The following ZNF578 variants were observed in gnomAD, a reference collection of about 807,000 sequenced individuals.
ZNF578 encodes the protein zinc finger protein 578.
A neutral mutation model predicts 8.3 loss-of-function variants in ZNF578; 8 were observed. That is an observed-to-expected ratio of 0.96 (90% CI 0.56 to 1.74). The LOEUF (loss-of-function observed/expected upper bound fraction) is 1.74, where lower values mean the gene tolerates loss of function less well. ZNF578 is among the 40% of genes most tolerant of loss of function. The pLI is 0.00. For missense variants in ZNF578, 726 were observed against 707.5 expected, an observed-to-expected ratio of 1.03 and a Z score of -0.30; for synonymous variants, 206 against 232.2, an observed-to-expected ratio of 0.89 and a Z score of 1.03.
chr19:52,483,872 A>G (rs1450804893), intron 2 of ZNF578, among the ~76,000 whole-genome samples: 1 of 152,070 alleles, frequency 6.6e-6, no homozygotes, highest in South Asian at 2.1e-4. Context: ...GCCCCTCCAC[A>G]CTTGTGGGCG....
At chr19:52,464,409 C>G (rs539241924) in intron 2 of ZNF578, among the ~76,000 whole-genome samples, 1 of 152,120 alleles carries the variant, frequency 6.6e-6, no homozygotes, top group African/African-American at 2.4e-5. Flanking sequence ...CTAAGGTGGG[C>G]CAAGTACAAT....
In ZNF578 at chr19:52,453,597, T is replaced by G. The variant is rs2059228635; in HGVS notation, c.-223T>G. On this transcript the variant is annotated 5_prime_UTR_variant, in exon 1 of 6. Transcript: ENST00000421239. ...AGCCGATCGCGTGGGGAGCCGGTCT[T>G]GGAGCAGCGGGTGAGTTTCCCTTTG... is the stretch of plus-strand genomic sequence containing the variant. 1 of 152,770 alleles carries G rather than the reference T, an allele frequency of 6.5e-6. No individual in the cohort carries two copies. The highest frequency in any genetic ancestry group is 2.1e-4 in the South Asian group (1 of 4,836). The allele number at this position is 152,770 out of a possible 1,614,324, so 9.5% of individuals were successfully genotyped here. A position where few individuals can be genotyped will look rare whatever the true frequency, so the allele number is the denominator to read the frequency against.
intron 5 of ZNF578, among the ~76,000 whole-genome samples, chr19:52,505,357 G>C (rs547236183): frequency 6.6e-6 from 1 of 152,272 alleles, no homozygotes; most frequent in Non-Finnish European, 1.5e-5. Context: ...GCTGTTGACT[G>C]AACTCTTGTT....
At chr19:52,486,396 C>T (rs1166468713) in intron 2 of ZNF578, among the ~76,000 whole-genome samples, 3 of 152,160 alleles carry the variant, frequency 2.0e-5, no homozygotes, top group Non-Finnish European at 4.4e-5. Flanking sequence ...GTCCCCTGGG[C>T]CCACTGTTCT....
At chr19:52,480,881 G>T (rs1217600227) in intron 2 of ZNF578, among the ~76,000 whole-genome samples, 1 of 148,690 alleles carries the variant, frequency 6.7e-6, no homozygotes, top group Non-Finnish European at 1.5e-5. Context: ...GGGTGACAGA[G>T]TGAGACTCCA....
chr19:52,478,152 A>G (rs890519881), intron 2 of ZNF578, among the ~76,000 whole-genome samples: 2 of 152,212 alleles, frequency 1.3e-5, no homozygotes, highest in Non-Finnish European at 2.9e-5. Context: ...TCAGGTATAC[A>G]CTAGCAGACA....
At chr19:52,492,139 CAGAG>C (rs968677480) in intron 3 of ZNF578, among the ~76,000 whole-genome samples, 1 of 118,398 alleles carries the variant, frequency 8.4e-6, no homozygotes, top group Admixed American at 1.2e-4. Context: ...GCCTGGGCGA[CAGAG>C]AGAGATTCTG....
rs2059471802 is a variant in ZNF578 at position 52,515,684 on chromosome 19, C to A, written c.*3530C>A. ...CCAGAAAAGGTCAACCCGAGTGTCCCTGACCGTTGAAATGATTGGCAAAAT... is the reference window on the plus strand; with the variant it reads ...CCAGAAAAGGTCAACCCGAGTGTCCATGACCGTTGAAATGATTGGCAAAAT... On this transcript the variant is annotated 3_prime_UTR_variant, in exon 6 of 6. Transcript: ENST00000421239. Among the ~76,000 whole-genome samples the A allele has an allele frequency of 6.6e-6, 1 of 151,648 alleles. No individual in the cohort carries two copies. The highest frequency in any genetic ancestry group is 2.4e-5 in the African/African-American group (1 of 41,286).
At position 52,512,511 on chromosome 19, in the gene ZNF578, C is replaced by G. The variant is rs1426631552; in HGVS notation, c.*357C>G. Among the ~76,000 whole-genome samples, 1 of 152,178 alleles carries G rather than the reference C, an allele frequency of 6.6e-6. No homozygotes were observed. The highest frequency in any genetic ancestry group is 2.4e-5 in the African/African-American group (1 of 41,430). On this transcript the variant is annotated 3_prime_UTR_variant, in exon 6 of 6. Transcript: ENST00000421239. The stretch of plus-strand genomic sequence containing the variant: ...GAACTCATACTGGAGAGAAACCTTA[C>G]AAATGTCATGACTGTGGCAAGGTCT...
Position 52,469,171 on chromosome 19 carries a change from T to TTTG in ZNF578, c.-122+12215_-122+12216insGTT, listed in dbSNP as rs779058576. On this transcript the variant is annotated intron_variant, in intron 2 of 5. Coordinates refer to ENST00000421239, the MANE Select transcript of ZNF578 (RefSeq NM_001099694.2). The stretch of plus-strand genomic sequence containing the variant: ...TACCTGGAGTGGTTTTTTTTTGTTT[T>TTTG]TTTTTTTTTGACAGGGTCTCACTCT... Among the ~76,000 whole-genome samples the TTTG allele has an allele frequency of 6.6e-3, 991 of 149,282 alleles. 20 individuals are homozygous for TTTG. Among genetic ancestry groups the TTTG allele is most frequent in the Non-Finnish European group, 0.01 (696 of 67,020 alleles).
At chr19:52,476,199 C>A (rs1174384079) in intron 2 of ZNF578, among the ~76,000 whole-genome samples, 1 of 152,052 alleles carries the variant, frequency 6.6e-6, no homozygotes, top group African/African-American at 2.4e-5. Flanking sequence ...TGTAATGCAC[C>A]CATTGGTTTA....
intron 2 of ZNF578, among the ~76,000 whole-genome samples, chr19:52,461,304 C>T (rs191372103): frequency 2.5e-4 from 38 of 152,308 alleles, no homozygotes; most frequent in African/African-American, 8.9e-4. Flanking sequence ...GCAATAGATG[C>T]TCTAAGCTCA....
chr19:52,460,026 A>C (rs1310720018), intron 2 of ZNF578, among the ~76,000 whole-genome samples: 2 of 150,334 alleles, frequency 1.3e-5, no homozygotes, highest in Middle Eastern at 3.4e-3. Context: ...CAGCTTCCCA[A>C]AGTGCTGGGA....
intron 2 of ZNF578, among the ~76,000 whole-genome samples, chr19:52,473,163 G>A (rs1393319659): frequency 3.9e-5 from 6 of 152,160 alleles, no homozygotes; most frequent in Admixed American, 3.9e-4. Flanking sequence ...CATTTACATG[G>A]TTTCTCTTTA....
chr19:52,500,396 C>A (rs2059402477), intron 3 of ZNF578, among the ~76,000 whole-genome samples: 1 of 139,986 alleles, frequency 7.1e-6, no homozygotes, highest in Non-Finnish European at 1.5e-5. Context: ...TGGTTGCAAT[C>A]TTTTGAGTTT....
intron 2 of ZNF578, among the ~76,000 whole-genome samples, chr19:52,462,383 G>T (rs374871015): frequency 7.2e-5 from 11 of 152,146 alleles, no homozygotes; most frequent in African/African-American, 2.7e-4. Context: ...CCTCCTCTGG[G>T]TGAGAGGGCC....
Position 52,512,555 on chromosome 19 carries a change from A to G in ZNF578, c.*401A>G, listed in dbSNP as rs868216017. On this transcript the variant is annotated 3_prime_UTR_variant, in exon 6 of 6. Transcript: ENST00000421239. ...AAGGTCTTCAGTCAAGCTTCATCCT[A>G]TGCAAAACATAGGAGAATTCATGCA... 3.3e-5 allele frequency among the ~76,000 whole-genome samples: 5 copies of G among 152,164 alleles called. No homozygotes were observed. The South Asian group carries it at 6.2e-4, about 19-fold the overall frequency.
chr19:52,456,960 TAC>T lies in ZNF578; in HGVS notation c.-122+4_-122+5del, dbSNP rs2059241613. ...AAAGGAGTCAGGAATGCCTCTTAGG[TAC>T]AGTGATATTCTCAGTGGACTGTTGT... On this transcript the variant is annotated splice_donor_region_variant and intron_variant, in intron 2 of 5. Transcript: ENST00000421239. The T allele has an allele frequency of 6.5e-6, 1 of 153,422 alleles. No homozygotes were observed. The highest frequency in any genetic ancestry group is 1.5e-5 in the Non-Finnish European group (1 of 68,468). 9.5% of individuals were successfully genotyped at this position (153,422 alleles called of 1,614,324 possible).
At chr19:52,488,846 T>C (rs1379708781) in intron 2 of ZNF578, among the ~76,000 whole-genome samples, 1 of 151,930 alleles carries the variant, frequency 6.6e-6, no homozygotes, top group Admixed American at 6.6e-5. Flanking sequence ...CTCATGCCTG[T>C]AATCCCAGCA....
Sources: allele counts gnomAD v4.1 joint callset (sites outside exome capture counted in the v4.1 genomes callset), GRCh38; gene constraint gnomAD v4.1.1; transcripts MANE v1.5; gene names NCBI Gene and HGNC (gene_info 2026-07-23, HGNC 2026-07-21).